The following MDGA2 variants were observed in gnomAD, a reference collection of about 807,000 sequenced individuals.
MDGA2 encodes the protein MAM domain containing glycosylphosphatidylinositol anchor 2, also known as MAM domain-containing glycosylphosphatidylinositol anchor protein 2.
A neutral mutation model predicts 117.8 loss-of-function variants in MDGA2; 40 were observed. The ratio of observed to expected loss-of-function variants is 0.34; its 90% confidence interval spans 0.26 to 0.44. MDGA2 has a LOEUF of 0.44. Ranked by LOEUF, MDGA2 falls within the 20% of genes least tolerant of loss-of-function variation. MDGA2 has a pLI of 1.00. For synonymous variants in MDGA2, 452 were observed against 439.0 expected (o/e 1.03, Z -0.37); for missense variants, 1,123 against 1,250.6 (o/e 0.90, Z 1.54).
intron 8 of MDGA2, among the ~76,000 whole-genome samples, chr14:46,966,709 G>A (rs776591266): frequency 1.2e-4 from 18 of 151,956 alleles, no homozygotes; most frequent in Non-Finnish European, 2.4e-4. Context: ...AAGGATTTTA[G>A]TTGTAATAAA....
intron 4 of MDGA2, among the ~76,000 whole-genome samples, chr14:47,134,365 T>C (rs921721658): frequency 2.0e-5 from 3 of 152,078 alleles, no homozygotes; most frequent in Admixed American, 2.0e-4. Flanking sequence ...TTGGCACTGG[T>C]ATAAACTCAA....
intron 1 of MDGA2, among the ~76,000 whole-genome samples, chr14:47,385,126 CTAA>C (rs1891728354): frequency 6.6e-6 from 1 of 152,156 alleles, no homozygotes; most frequent in Admixed American, 6.5e-5. Flanking sequence ...TGATGTATAT[CTAA>C]TAATAAAACC....
Position 47,000,675 on chromosome 14 carries a change from T to C in MDGA2, c.1819+34336A>G, listed in dbSNP as rs373739151. On this transcript the variant is annotated intron_variant, in intron 8 of 16. Transcript: ENST00000399232. ...GTAATCCATAAGTTCAAATATTAGG[T>C]ATAGGGCAGTTAAGTAAATTGCCTA... is the stretch of plus-strand genomic sequence containing the variant. Among the ~76,000 whole-genome samples, 33 of 151,420 alleles carry C rather than the reference T, an allele frequency of 2.2e-4. No homozygotes were observed. The South Asian group carries it at 4.4e-3, about 20-fold the overall frequency.
At chr14:47,523,825 G>T (rs1437483247) in intron 1 of MDGA2, among the ~76,000 whole-genome samples, 2 of 152,202 alleles carry the variant, frequency 1.3e-5, no homozygotes, top group African/African-American at 4.8e-5. Flanking sequence ...TTTTGCCTTA[G>T]TTTGTCACTG....
chr14:47,013,135 G>T (rs764025898), intron 8 of MDGA2, among the ~76,000 whole-genome samples: 62 of 152,186 alleles, frequency 4.1e-4, no homozygotes, highest in South Asian at 8.3e-4. Flanking sequence ...TTTCATTCAG[G>T]ATTCTCTGAA....
rs1555373011 is a variant in MDGA2 at position 47,318,810 on chromosome 14, G to GAAGGAAGC, written c.281-17261_281-17260insGCTTCCTT. ...GAGGGGAGGGGGGAAAGGGAGGAAAGAAGGAAGGAAGGAAGGAAGGAAATA... is the reference window on the plus strand; with the variant it reads ...GAGGGGAGGGGGGAAAGGGAGGAAAGAAGGAAGCAAGGAAGGAAGGAAGGAAGGAAATA... On this transcript the variant is annotated intron_variant, in intron 1 of 16. Transcript: ENST00000399232. Among the ~76,000 whole-genome samples the GAAGGAAGC allele has an allele frequency of 2.0e-5, 3 of 149,944 alleles. No individual in the cohort carries two copies. The Admixed American group carries it at 2.0e-4, about 10-fold the overall frequency.
At chr14:47,156,145 G>A (rs548771046) in intron 3 of MDGA2, among the ~76,000 whole-genome samples, 2 of 151,804 alleles carry the variant, frequency 1.3e-5, no homozygotes, top group South Asian at 4.2e-4. Flanking sequence ...CTAACCTCAA[G>A]TGATCTGCCC....
At chr14:47,212,738 C>T (rs1425260393) in intron 3 of MDGA2, among the ~76,000 whole-genome samples, 3 of 152,266 alleles carry the variant, frequency 2.0e-5, no homozygotes, top group Admixed American at 2.0e-4. Context: ...ACTATGCAAG[C>T]GATCTTTACC....
At chr14:47,277,833 C>T (rs1888354369) in intron 2 of MDGA2, among the ~76,000 whole-genome samples, 1 of 152,124 alleles carries the variant, frequency 6.6e-6, no homozygotes, top group African/African-American at 2.4e-5. Context: ...TACTTACTGA[C>T]AATTGCCCAA....
At chr14:46,851,192 C>T (rs1881042182) in intron 15 of MDGA2, among the ~76,000 whole-genome samples, 1 of 151,766 alleles carries the variant, frequency 6.6e-6, no homozygotes. Flanking sequence ...GAATCCCTTT[C>T]TCTTAAACTA....
chr14:46,958,245 A>C (rs1438678192), intron 8 of MDGA2, among the ~76,000 whole-genome samples: 1 of 152,178 alleles, frequency 6.6e-6, no homozygotes, highest in South Asian at 2.1e-4. Flanking sequence ...CAGTAAGAGA[A>C]GGCATTCCAG....
chr14:47,264,357 A>G (rs188873957), intron 2 of MDGA2, among the ~76,000 whole-genome samples: 8 of 152,280 alleles, frequency 5.3e-5, no homozygotes, highest in Admixed American at 3.9e-4. Flanking sequence ...CAGGTAGGCT[A>G]AAAGTATTGG....
chr14:47,355,020 G>A (rs1890962880), intron 1 of MDGA2, among the ~76,000 whole-genome samples: 1 of 152,062 alleles, frequency 6.6e-6, no homozygotes, highest in Non-Finnish European at 1.5e-5. Context: ...TACATTCTGG[G>A]TATGTTTTCA....
At chr14:46,997,945 A>T (rs1430849512) in intron 8 of MDGA2, among the ~76,000 whole-genome samples, 3 of 152,154 alleles carry the variant, frequency 2.0e-5, no homozygotes, top group African/African-American at 7.2e-5. Context: ...ACTTCTGTAG[A>T]CACTTTAAGT....
At chr14:46,886,709 A>C (rs1391349600) in intron 10 of MDGA2, among the ~76,000 whole-genome samples, 1 of 151,718 alleles carries the variant, frequency 6.6e-6, no homozygotes, top group Admixed American at 6.6e-5. Context: ...TTAGAGAATA[A>C]GAGAGAGAAG....
At chr14:47,590,568 T>A (rs893913846) in intron 1 of MDGA2, among the ~76,000 whole-genome samples, 3 of 151,840 alleles carry the variant, frequency 2.0e-5, no homozygotes, top group African/African-American at 7.3e-5. Context: ...GAATATAATA[T>A]AGATTGTTTA....
At chr14:47,398,318 CT>C (rs1422896813) in intron 1 of MDGA2, among the ~76,000 whole-genome samples, 1 of 152,178 alleles carries the variant, frequency 6.6e-6, no homozygotes, top group Non-Finnish European at 1.5e-5. Flanking sequence ...CATTAATTCT[CT>C]CAAGAGTCTT....
intron 1 of MDGA2, among the ~76,000 whole-genome samples, chr14:47,621,959 T>C (rs574141050): frequency 6.6e-6 from 1 of 152,360 alleles, no homozygotes; most frequent in African/African-American, 2.4e-5. Context: ...GTAATGTTGG[T>C]TAAACATAGT....
chr14:46,954,100 T>C (rs1885469562), intron 9 of MDGA2, among the ~76,000 whole-genome samples: 2 of 152,012 alleles, frequency 1.3e-5, no homozygotes, highest in South Asian at 2.1e-4. Context: ...CACAGTCTAC[T>C]GATGTAGGTG....
Sources: gnomAD v4.1 joint callset for allele counts (sites outside exome capture counted in the v4.1 genomes callset) on GRCh38, gnomAD v4.1.1 for gene constraint, MANE v1.5 for transcripts, NCBI Gene and HGNC (gene_info 2026-07-23, HGNC 2026-07-21) for gene names.